The following SCN10A variants were observed in gnomAD, a reference collection of about 807,000 sequenced individuals.
SCN10A encodes sodium channel protein type 10 subunit alpha.
SCN10A carries 162 observed loss-of-function variants against 170.7 expected under a neutral mutation model. The ratio of observed to expected loss-of-function variants is 0.95; its 90% CI spans 0.84 to 1.08. The LOEUF is 1.08. Among genes scored for constraint, SCN10A ranks in the 50% least tolerant of loss-of-function variants. The probability of loss-of-function intolerance (pLI) is 0.00; values close to 1 mark genes in which losing one functional copy is unlikely to be tolerated. For missense variants in SCN10A, 2,527 were observed against 2,436.9 expected, an observed-to-expected ratio of 1.04 and a Z score of -0.78; for synonymous variants, 985 against 904.6, an observed-to-expected ratio of 1.09 and a Z score of -1.59.
intron 15 of SCN10A, among the ~76,000 whole-genome samples, chr3:38,729,624 A>G (rs1424910096): frequency 2.0e-5 from 3 of 152,190 alleles, no homozygotes; most frequent in African/African-American, 7.2e-5. Context: ...CTTCACTGTA[A>G]ACTCAAATAT....
chr3:38,728,716 C>T lies in SCN10A; in HGVS notation c.2466G>A (p.Ala822=), dbSNP rs904044726. 3.7e-6 allele frequency: 6 copies of T among 1,614,082 alleles called. No individual in the cohort carries two copies. The highest frequency in any genetic ancestry group is 4.5e-5 in the East Asian group (2 of 44,868). ...GCCAGCGGGGCCAGTCTTCATGGGG[C>T]GCGGAGATATTTTTTCGGTTGTTAC... ...NYRNNRKNIS[A]PHEDWPRWHM... The change falls in exon 16 of 28, where the codon GCG becomes GCA. Residue 822 remains alanine (A), a synonymous_variant. Transcript: ENST00000449082.
rs534661314 is a variant in SCN10A, at chr3:38,715,234, A to G, written c.3682-1154T>C. On this transcript the variant is annotated intron_variant, in intron 21 of 27. Transcript: ENST00000449082. The stretch of plus-strand genomic sequence containing the variant: ...CAGCCCCCTGGGAAGTCTGCCTCAC[A>G]TGGATAATCTGCAGCTGGGGCAGAC... Among the ~76,000 whole-genome samples, 418 of 152,212 alleles carry G rather than the reference A, an allele frequency of 2.7e-3. 2 individuals carry two copies. Among genetic ancestry groups the G allele is most frequent in the African/African-American group, 9.5e-3 (396 of 41,538 alleles).
At chr3:38,776,897 G>A (rs1020992049) in intron 4 of SCN10A, among the ~76,000 whole-genome samples, 3 of 151,994 alleles carry the variant, frequency 2.0e-5, no homozygotes, top group Non-Finnish European at 1.5e-5. Flanking sequence ...TAACAAACCT[G>A]TTAGTTTACA....
At chr3:38,700,976 T>C (rs2063150123) in intron 27 of SCN10A, among the ~76,000 whole-genome samples, 1 of 152,198 alleles carries the variant, frequency 6.6e-6, no homozygotes, top group Non-Finnish European at 1.5e-5. Flanking sequence ...CATTAGAAGA[T>C]TGGAGCCTGT....
intron 4 of SCN10A, 92 bp from the exon 5 acceptor site, chr3:38,771,499 A>T: frequency 7.5e-7 from 1 of 1,330,416 alleles, no homozygotes; most frequent in Non-Finnish European, 1.1e-6. Flanking sequence ...ACCTGCTCTG[A>T]CTGCTCCAAG....
At chr3:38,798,515 G>A (rs1412377239) in intron 1 of SCN10A, among the ~76,000 whole-genome samples, 2 of 152,134 alleles carry the variant, frequency 1.3e-5, no homozygotes, top group Non-Finnish European at 2.9e-5. Flanking sequence ...CACATCCTTT[G>A]TGAGGTAGCC....
In SCN10A at chr3:38,697,244, A is replaced by G. The variant is rs957227188; in HGVS notation, c.*105T>C. ...CAGTTCTGACATTGTGACCAGTGGC[A>G]TGCATTGGTGAGGCTGTAGCTGGGT... is the stretch of plus-strand genomic sequence containing the variant. On this transcript the variant is annotated 3_prime_UTR_variant, in exon 28 of 28. Transcript: ENST00000449082. The G allele has an allele frequency of 1.2e-5, 18 of 1,506,112 alleles. No homozygotes were observed. Among genetic ancestry groups the G allele is most frequent in the Non-Finnish European group, 1.3e-5 (15 of 1,122,370 alleles). The allele number at this position is 1,506,112 out of a possible 1,614,324, so 93.3% of individuals were successfully genotyped here. A position where few individuals can be genotyped will look rare whatever the true frequency, so the allele number is the denominator to read the frequency against.
At chr3:38,702,193 TC>T in intron 26 of SCN10A, 84 bp from the exon 27 acceptor site, 2 of 1,369,328 alleles carry the variant, frequency 1.5e-6, no homozygotes, top group Non-Finnish European at 2.0e-6. Context: ...GAGTTTTGTC[TC>T]CATCACACTC....
chr3:38,713,908 A>T (rs1460473572), intron 22 of SCN10A, 50 bp downstream of exon 22: 1 of 1,605,810 alleles, frequency 6.2e-7, no homozygotes, highest in African/African-American at 1.3e-5. Context: ...GATTACAGGC[A>T]TGAACCACCG....
chr3:38,782,356 G>T (rs1468746607), intron 4 of SCN10A, among the ~76,000 whole-genome samples: 6 of 151,990 alleles, frequency 3.9e-5, no homozygotes, highest in African/African-American at 1.4e-4. Context: ...CCCCTCTGGA[G>T]GCACCGTGGT....
intron 16 of SCN10A, 41 bp from the exon 17 acceptor site, chr3:38,727,093 A>G (rs759880550): frequency 6.4e-7 from 1 of 1,564,578 alleles, no homozygotes; most frequent in South Asian, 1.2e-5. Flanking sequence ...TCAATCTCTA[A>G]GCTGAGCCCC....
At chr3:38,744,847 C>T (rs1223000395) in intron 13 of SCN10A, among the ~76,000 whole-genome samples, 1 of 152,164 alleles carries the variant, frequency 6.6e-6, no homozygotes, top group African/African-American at 2.4e-5. Context: ...TTCATATACA[C>T]ATGTCCATTT....
At chr3:38,806,266 G>A (rs2064403981) in intron 1 of SCN10A, among the ~76,000 whole-genome samples, 1 of 152,168 alleles carries the variant, frequency 6.6e-6, no homozygotes, top group Non-Finnish European at 1.5e-5. Flanking sequence ...CGAAGATGAG[G>A]AGGATAAATC....
intron 15 of SCN10A, among the ~76,000 whole-genome samples, chr3:38,734,034 T>C (rs1003259618): frequency 3.3e-5 from 5 of 151,772 alleles, no homozygotes; most frequent in Non-Finnish European, 7.4e-5. Flanking sequence ...TTTTATTGTT[T>C]TCAATGAGAC....
intron 3 of SCN10A, among the ~76,000 whole-genome samples, chr3:38,791,506 C>T (rs9815891): frequency 0.35 from 53,522 of 152,022 alleles, 9,801 homozygotes; most frequent in Admixed American, 0.43. Flanking sequence ...TTAACAGTGC[C>T]CCATGACCAA....
rs762043644 is a variant in SCN10A, at chr3:38,750,110, T to G, written c.1830A>C (p.Ala610=). Residue 610 remains alanine (A), a synonymous_variant, in exon 13 of 28, where the codon GCA becomes GCC. Transcript: ENST00000449082. ...YLDEPFRAQR[A]MSVVSIITSV... is the part of the protein sequence containing the mutation. ...AGGTTATGATACTGACAACACTCATTGCCCTTTGGGCCCGGAAAGGTTCAT... is the reference window on the plus strand; with the variant it reads ...AGGTTATGATACTGACAACACTCATGGCCCTTTGGGCCCGGAAAGGTTCAT... 2 of 1,612,836 alleles carry G rather than the reference T, an allele frequency of 1.2e-6. No individual in the cohort carries two copies. Among genetic ancestry groups the G allele is most frequent in the South Asian group, 2.2e-5 (2 of 90,804 alleles).
At chr3:38,715,235 T>C (rs374458684) in intron 21 of SCN10A, among the ~76,000 whole-genome samples, 1 of 152,260 alleles carries the variant, frequency 6.6e-6, no homozygotes, top group African/African-American at 2.4e-5. Flanking sequence ...CTGCCTCACA[T>C]GGATAATCTG....
chr3:38,729,783 A>G (rs556477565), intron 15 of SCN10A, among the ~76,000 whole-genome samples: 2 of 152,348 alleles, frequency 1.3e-5, no homozygotes, highest in South Asian at 2.1e-4. Context: ...GCACCTACTA[A>G]GAGCCAGGCT....
chr3:38,710,121 G>A (rs2063256256), intron 24 of SCN10A, among the ~76,000 whole-genome samples: 1 of 152,104 alleles, frequency 6.6e-6, no homozygotes, highest in Non-Finnish European at 1.5e-5. Context: ...GCAGGAAGTG[G>A]TCATTCCCCA....
Sources: gnomAD v4.1 joint callset for allele counts (sites outside exome capture counted in the v4.1 genomes callset) on GRCh38, gnomAD v4.1.1 for gene constraint, MANE v1.5 for transcripts, NCBI Gene and HGNC (gene_info 2026-07-23, HGNC 2026-07-21) for gene names.